WFS1: variants seen among roughly 807,000 people sequenced by gnomAD.
The protein encoded by WFS1 is wolframin.
WFS1 carries 90 observed loss-of-function variants against 68.5 expected under a neutral mutation model. That is an observed-to-expected ratio of 1.31 (90% CI 1.11 to 1.56). WFS1 has a LOEUF of 1.56. WFS1 is among the 40% of genes most tolerant of loss of function. WFS1 has a pLI of 0.00. For missense variants in WFS1, 1,767 were observed against 1,232.6 expected, an observed-to-expected ratio of 1.43 and a Z score of -6.49; for synonymous variants, 860 against 540.7, an observed-to-expected ratio of 1.59 and a Z score of -8.19.
intron 4 of WFS1, 143 bp downstream of exon 4, chr4:6,289,274 T>G: frequency 8.4e-7 from 1 of 1,189,912 alleles, no homozygotes; most frequent in Non-Finnish European, 1.2e-6. Flanking sequence ...GCTGGTGGCC[T>G]TCTCATTTTA....
rs372623685 is a variant in WFS1 at position 6,274,262 on chromosome 4, T to C, written c.-5-3189T>C. 2.5e-3 allele frequency among the ~76,000 whole-genome samples: 387 copies of C among 152,176 alleles called. 3 individuals carry two copies. Among genetic ancestry groups the C allele is most frequent in the African/African-American group, 7.4e-3 (309 of 41,498 alleles). On this transcript the variant is annotated intron_variant, in intron 1 of 7. Transcript: ENST00000226760. The stretch of plus-strand genomic sequence containing the variant: ...CGGGGTTTCACTGTGTTAGCCAGGA[T>C]GGTCTTGATCTCCTGACCTTGTGAT...
At position 6,301,198 on chromosome 4, in the gene WFS1, T is replaced by G. The variant is rs1362111037; in HGVS notation, c.1403T>G (p.Leu468Arg). The stretch of plus-strand genomic sequence containing the variant: ...GCCACCGAGGTCACCGCCGGCCTGC[T>G]ATCGCTGCTGCCCTCCATGCCCTTG... ...ALATEVTAGL[L>R]SLLPSMPLNW... Residue 468 changes from leucine to arginine, a missense_variant, in exon 8 of 8, where the codon CTA becomes CGA. By Grantham distance (102) the Leu-to-Arg change is moderately radical. Coordinates refer to ENST00000226760, the MANE Select transcript of WFS1 (RefSeq NM_006005.3). 6.2e-7 allele frequency: 1 copy of G among 1,612,116 alleles called. No individual in the cohort carries two copies. The highest frequency in any genetic ancestry group is 1.7e-5 in the Admixed American group (1 of 59,996).
At chr4:6,299,951 T>G (rs1730811340) in intron 7 of WFS1, among the ~76,000 whole-genome samples, 2 of 146,354 alleles carry the variant, frequency 1.4e-5, no homozygotes, top group East Asian at 2.1e-4. Flanking sequence ...TGTGTAGGGG[T>G]GGGTTGCGTG....
intron 2 of WFS1, among the ~76,000 whole-genome samples, chr4:6,280,294 C>T (rs1268969724): frequency 1.3e-5 from 2 of 152,250 alleles, no homozygotes; most frequent in South Asian, 2.1e-4. Context: ...ACCTGCCTGT[C>T]GGTGGCTGCC....
At chr4:6,290,840 A>G (rs969059642) in intron 4 of WFS1, among the ~76,000 whole-genome samples, 3 of 152,188 alleles carry the variant, frequency 2.0e-5, no homozygotes, top group Admixed American at 1.3e-4. Context: ...TGGGTTCAAG[A>G]CAGCTCTGCC....
chr4:6,301,229 G>A lies in WFS1; in HGVS notation c.1434G>A (p.Trp478Ter), dbSNP rs1242575449. Residue 478 changes from tryptophan to a stop codon, truncating the protein, a stop_gained, in exon 8 of 8, where the codon TGG (tryptophan) becomes TGA (stop). Coordinates refer to ENST00000226760, the MANE Select transcript of WFS1 (RefSeq NM_006005.3). LOFTEE classifies it high-confidence loss of function. ...LSLLPSMPLN[W>*]PYLKVLGQTF... is the part of the protein sequence containing the mutation. ...TGCTGCCCTCCATGCCCTTGAATTG[G>A]CCCTACCTGAAGGTCCTTGGCCAGA... 6.2e-7 allele frequency: 1 copy of A among 1,611,762 alleles called. No individual in the cohort carries two copies. Among genetic ancestry groups the A allele is most frequent in the Non-Finnish European group, 8.5e-7 (1 of 1,180,024 alleles).
intron 1 of WFS1, among the ~76,000 whole-genome samples, chr4:6,270,307 C>G (rs1055919468): frequency 6.6e-6 from 1 of 151,550 alleles, no homozygotes; most frequent in Non-Finnish European, 1.5e-5. Flanking sequence ...ACAGCAGGCC[C>G]GAGAGGCGGA....
At chr4:6,286,076 C>T (rs997795260) in intron 2 of WFS1, among the ~76,000 whole-genome samples, 1 of 151,908 alleles carries the variant, frequency 6.6e-6, no homozygotes, top group Non-Finnish European at 1.5e-5. Flanking sequence ...AACCTACAGA[C>T]CTGATGGAGA....
At chr4:6,277,837 G>A (rs555723048) in intron 2 of WFS1, 150 bp downstream of exon 2, 30 of 966,590 alleles carry the variant, frequency 3.1e-5, no homozygotes, top group Middle Eastern at 6.2e-4. Flanking sequence ...CGTCCATCCA[G>A]TGGGGCTACC....
At chr4:6,275,526 T>C (rs528243603) in intron 1 of WFS1, among the ~76,000 whole-genome samples, 31 of 139,686 alleles carry the variant, frequency 2.2e-4, no homozygotes, top group African/African-American at 6.9e-4. Context: ...CATGCATGGT[T>C]TGCACCTGGG....
At chr4:6,300,579 G>C in intron 7 of WFS1, 78 bp from the exon 8 acceptor site, 1 of 1,599,604 alleles carries the variant, frequency 6.3e-7, no homozygotes, top group Non-Finnish European at 8.5e-7. Context: ...CAGAGGCAGG[G>C]TGGTCAGAGG....
intron 7 of WFS1, among the ~76,000 whole-genome samples, chr4:6,297,272 A>G (rs906230484): frequency 6.6e-6 from 1 of 152,138 alleles, no homozygotes; most frequent in Admixed American, 6.5e-5. Flanking sequence ...GAGGGAGGCA[A>G]TGAATCGTCA....
At chr4:6,281,898 G>A (rs1231517717) in intron 2 of WFS1, among the ~76,000 whole-genome samples, 4 of 152,214 alleles carry the variant, frequency 2.6e-5, no homozygotes, top group Admixed American at 6.5e-5. Flanking sequence ...TCAGTCTTCT[G>A]GGAACTTGGC....
intron 1 of WFS1, among the ~76,000 whole-genome samples, chr4:6,270,409 GCCGCCCTCGGTGC>G (rs1351795776): frequency 6.6e-6 from 1 of 151,834 alleles, no homozygotes; most frequent in African/African-American, 2.4e-5. Context: ...GGGACCCACG[GCCGCCCTCGGTGC>G]CCGCCCGGCC....
intron 2 of WFS1, among the ~76,000 whole-genome samples, chr4:6,282,621 G>C (rs913712456): frequency 6.6e-6 from 1 of 152,230 alleles, no homozygotes; most frequent in East Asian, 1.9e-4. Flanking sequence ...GGATGCATCA[G>C]TAATATGAAA....
intron 2 of WFS1, among the ~76,000 whole-genome samples, chr4:6,285,207 G>A (rs1216695999): frequency 5.3e-5 from 8 of 151,384 alleles, no homozygotes; most frequent in Non-Finnish European, 7.4e-5. Flanking sequence ...GGAGAGGGGC[G>A]TCCAGGAAGA....
At chr4:6,275,920 C>G (rs1729980730) in intron 1 of WFS1, among the ~76,000 whole-genome samples, 1 of 152,200 alleles carries the variant, frequency 6.6e-6, no homozygotes. Context: ...CCCATGGTGT[C>G]TGGTCTCACT....
At chr4:6,289,713 T>C (rs528954515) in intron 4 of WFS1, among the ~76,000 whole-genome samples, 7 of 152,348 alleles carry the variant, frequency 4.6e-5, no homozygotes, top group Non-Finnish European at 8.8e-5. Context: ...TGGCTGTCCC[T>C]GGTGCCGTGG....
Position 6,301,785 on chromosome 4 carries a change from C to T in WFS1, c.1990C>T (p.Leu664=), listed in dbSNP as rs2109126827. The T allele has an allele frequency of 6.2e-7, 1 of 1,613,502 alleles. No homozygotes were observed. The highest frequency in any genetic ancestry group is 8.5e-7 in the Non-Finnish European group (1 of 1,180,038). The part of the protein sequence containing the change: ...SEGMKVYNST[L]TWQQYGALCG... ...GGGCATGAAGGTCTACAACTCCACA[C>T]TGACCTGGCAGCAGTATGGTGCGCT... The change falls in exon 8 of 8, where the codon CTG becomes TTG. Residue 664 remains leucine (L), a synonymous_variant. Transcript: ENST00000226760.
Sources: gnomAD v4.1 joint callset for allele counts (sites outside exome capture counted in the v4.1 genomes callset) on GRCh38, gnomAD v4.1.1 for gene constraint, MANE v1.5 for transcripts, NCBI Gene and HGNC (gene_info 2026-07-23, HGNC 2026-07-21) for gene names.